The following TUBGCP2 variants were observed in gnomAD, a reference collection of about 807,000 sequenced individuals.
TUBGCP2 encodes gamma-tubulin complex component 2.
A neutral mutation model predicts 92.2 loss-of-function variants in TUBGCP2; 55 were observed. The observed-to-expected ratio is 0.60, with a 90% CI of 0.48 to 0.75. TUBGCP2 has a LOEUF of 0.75. TUBGCP2 is among the 30% of genes least tolerant of loss of function. TUBGCP2 has a pLI of 0.00. For synonymous variants in TUBGCP2, 533 were observed against 505.2 expected, an observed-to-expected ratio of 1.06 and a Z score of -0.74; for missense variants, 1,093 against 1,188.9, an observed-to-expected ratio of 0.92 and a Z score of 1.19.
intron 11 of TUBGCP2, among the ~76,000 whole-genome samples, chr10:133,286,693 G>C (rs1847142001): frequency 6.6e-6 from 1 of 151,718 alleles, no homozygotes; most frequent in South Asian, 2.1e-4. Flanking sequence ...ATCACAAAAA[G>C]TCTGTTCTCT....
intron 3 of TUBGCP2, 32 bp downstream of exon 3, chr10:133,299,953 G>C (rs375264326): frequency 6.8e-6 from 11 of 1,611,118 alleles, no homozygotes; most frequent in African/African-American, 4.0e-5. Flanking sequence ...GGGCCGTACG[G>C]GCGCAGTGTG....
upstream of TUBGCP2, chr10:133,308,957 C>T (rs955678638): frequency 8.1e-6 from 10 of 1,238,140 alleles, no homozygotes; most frequent in African/African-American, 1.1e-4. Context: ...CAGTTGCCCC[C>T]CGCGCTGTGC....
chr10:133,309,592 C>G, upstream of TUBGCP2: 1 of 1,290,182 alleles, frequency 7.8e-7, no homozygotes, highest in South Asian at 1.3e-5. Flanking sequence ...GCCTGTCCAG[C>G]TTTGGCGTGG....
chr10:133,280,101 A>T (rs990075497), intron 17 of TUBGCP2, among the ~76,000 whole-genome samples, 200 bp from the exon 18 acceptor site: 1 of 152,156 alleles, frequency 6.6e-6, no homozygotes, highest in Non-Finnish European at 1.5e-5. Flanking sequence ...TGCTCCTACC[A>T]TGGGGAAGTG....
At chr10:133,289,996 A>G (rs780660837) in intron 8 of TUBGCP2, 27 bp from the exon 9 acceptor site, 3 of 1,604,614 alleles carry the variant, frequency 1.9e-6, no homozygotes, top group African/African-American at 2.7e-5. Flanking sequence ...CGCTTCGGTC[A>G]CAGGCAAAGC....
At chr10:133,301,982 G>A (rs1296844076) in intron 2 of TUBGCP2, 1 of 150,634 alleles carries the variant, frequency 6.6e-6, no homozygotes, top group African/African-American at 2.5e-5. Context: ...CCAAAGTGCT[G>A]GGATTACAGG....
At chr10:133,283,829 C>A in intron 14 of TUBGCP2, 53 bp downstream of exon 14, 1 of 1,602,340 alleles carries the variant, frequency 6.2e-7, no homozygotes. Context: ...TCCTGTCTCC[C>A]TGTGAAAGGA....
At chr10:133,299,911 G>C (rs1038460175) in intron 3 of TUBGCP2, 74 bp downstream of exon 3, 16 of 1,572,140 alleles carry the variant, frequency 1.0e-5, no homozygotes, top group East Asian at 4.5e-5. Context: ...ATGGCGTGGA[G>C]TGAGCAGGAG....
At chr10:133,311,191 T>G (rs1365256318), upstream of TUBGCP2, among the ~76,000 whole-genome samples, 3 of 152,198 alleles carry the variant, frequency 2.0e-5, no homozygotes, top group Non-Finnish European at 4.4e-5. Context: ...TGATCAGAGT[T>G]TTTCAGACTC....
intron 7 of TUBGCP2, 58 bp downstream of exon 7, chr10:133,292,981 T>C: frequency 1.3e-6 from 2 of 1,573,962 alleles, no homozygotes; most frequent in East Asian, 2.3e-5. Flanking sequence ...TCACACTGGG[T>C]GCCATGTTCA....
At position 133,299,329 on chromosome 10, in the gene TUBGCP2, C is replaced by A. The variant is rs970120845; in HGVS notation, c.456+98G>T. On this transcript the variant is annotated intron_variant, in intron 4 of 17. Coordinates refer to ENST00000252936, the MANE Select transcript of TUBGCP2 (RefSeq NM_006659.4). ...ATGACAGAGAGACATGTCCTTCCAGCAGGGGCCCGGCACAGCACTGAGTGT... is the reference window on the plus strand; with the variant it reads ...ATGACAGAGAGACATGTCCTTCCAGAAGGGGCCCGGCACAGCACTGAGTGT... The A allele has an allele frequency of 2.9e-6, 3 of 1,050,182 alleles. No homozygotes were observed. The African/African-American group carries it at 4.9e-5, about 17-fold the overall frequency. The allele number at this position is 1,050,182 out of a possible 1,614,324, so 65.1% of individuals were successfully genotyped here. A position where few individuals can be genotyped will look rare whatever the true frequency, so the allele number is the denominator to read the frequency against.
In TUBGCP2 at chr10:133,292,778, A is replaced by T. The variant is rs1847390185; in HGVS notation, c.1025-90T>A. The T allele has an allele frequency of 2.8e-6, 4 of 1,448,702 alleles. No individual in the cohort carries two copies. In the Admixed American group the frequency reaches 8.8e-5, roughly 32 times the overall value. 89.7% of individuals were successfully genotyped at this position (1,448,702 alleles called of 1,614,324 possible). A position where few individuals can be genotyped will look rare whatever the true frequency, so the allele number is the denominator to read the frequency against. On this transcript the variant is annotated intron_variant, in intron 7 of 17. Coordinates refer to ENST00000252936, the MANE Select transcript of TUBGCP2 (RefSeq NM_006659.4). ...CTGCTGGGGCCCCTCATGCTTCTCCAACCTTCTTCCTGGGACGGTGCTGCT... is the reference window on the plus strand; with the variant it reads ...CTGCTGGGGCCCCTCATGCTTCTCCTACCTTCTTCCTGGGACGGTGCTGCT...
At position 133,283,071 on chromosome 10, in the gene TUBGCP2, C is replaced by A; in HGVS notation, c.2289+7G>T. The A allele has an allele frequency of 6.2e-7, 1 of 1,614,166 alleles. No individual in the cohort carries two copies. Among genetic ancestry groups the A allele is most frequent in the Non-Finnish European group, 8.5e-7 (1 of 1,180,030 alleles). On this transcript the variant is annotated splice_region_variant and intron_variant, in intron 15 of 17. Transcript: ENST00000252936. The stretch of plus-strand genomic sequence containing the variant: ...CCCACCCGATGGTGCTACCCACACC[C>A]ACGCACCTGCATGCAGTTGGTGAAC...
chr10:133,312,180 G>A (rs1361978468), upstream of TUBGCP2: 6 of 1,410,400 alleles, frequency 4.3e-6, no homozygotes, highest in South Asian at 1.6e-5. Flanking sequence ...TGCCGTCTGC[G>A]TTTCTAGCGT....
chr10:133,310,220 G>A (rs1220514445), upstream of TUBGCP2: 2 of 1,613,950 alleles, frequency 1.2e-6, no homozygotes, highest in Admixed American at 1.7e-5. Context: ...GAGACCGGAA[G>A]GATCACATGG....
upstream of TUBGCP2, chr10:133,309,024 C>T (rs374742728): frequency 2.4e-6 from 3 of 1,263,460 alleles, no homozygotes; most frequent in Non-Finnish European, 3.0e-6. Flanking sequence ...AGCGGGATCC[C>T]GCGGCTGGGG....
chr10:133,307,322 T>C (rs985341213), intron 1 of TUBGCP2, among the ~76,000 whole-genome samples: 3 of 152,178 alleles, frequency 2.0e-5, no homozygotes, highest in African/African-American at 7.2e-5. Context: ...AATGCACGCA[T>C]GTCACACTCC....
intron 1 of TUBGCP2, among the ~76,000 whole-genome samples, chr10:133,307,931 A>G (rs1438082136): frequency 6.6e-6 from 1 of 152,170 alleles, no homozygotes; most frequent in Non-Finnish European, 1.5e-5. Context: ...TAACACAGAG[A>G]TATTTGTGTA....
rs779314700 is a variant in TUBGCP2, at chr10:133,281,452, G to A, written c.2410-16C>T. 6.2e-7 allele frequency: 1 copy of A among 1,609,000 alleles called. No homozygotes were observed. Among genetic ancestry groups the A allele is most frequent in the Non-Finnish European group, 8.5e-7 (1 of 1,179,146 alleles). On this transcript the variant is annotated splice_polypyrimidine_tract_variant and intron_variant, in intron 16 of 17. Transcript: ENST00000252936. The stretch of plus-strand genomic sequence containing the variant: ...CAGCCAGGTGCTGGAAAGAAAGCCG[G>A]GGTGCGTGAGCCATGCCCACCCCCA...
Sources: allele counts gnomAD v4.1 joint callset (sites outside exome capture counted in the v4.1 genomes callset), GRCh38; gene constraint gnomAD v4.1.1; transcripts MANE v1.5; gene names NCBI Gene and HGNC (gene_info 2026-07-23, HGNC 2026-07-21).